LRRTM4: variants seen among roughly 807,000 people sequenced by gnomAD.
The protein encoded by LRRTM4 is leucine rich repeat transmembrane neuronal 4.
Under a neutral mutation model 47.6 loss-of-function variants are expected in LRRTM4, and 25 were observed. The observed-to-expected ratio is 0.53, with a 90% CI of 0.38 to 0.73. LRRTM4 has a LOEUF of 0.73. LRRTM4 is among the 30% of genes least tolerant of loss of function. LRRTM4 has a pLI of 0.00. For missense variants in LRRTM4, 638 were observed against 713.4 expected (o/e 0.89, Z 1.20); for synonymous variants, 311 against 269.5 (o/e 1.15, Z -1.51).
intron 3 of LRRTM4, among the ~76,000 whole-genome samples, chr2:76,916,134 C>A (rs1205679749): frequency 6.6e-6 from 1 of 151,048 alleles, no homozygotes. Context: ...AATATAAATT[C>A]CAGAGGAAAG....
intron 3 of LRRTM4, among the ~76,000 whole-genome samples, chr2:77,151,683 CAA>C (rs1672435132): frequency 6.6e-6 from 1 of 152,088 alleles, no homozygotes; most frequent in Non-Finnish European, 1.5e-5. Flanking sequence ...CACAGAAAAA[CAA>C]AGATTGCATT....
chr2:77,041,218 T>G (rs1303706068), intron 3 of LRRTM4, among the ~76,000 whole-genome samples: 4 of 151,578 alleles, frequency 2.6e-5, no homozygotes, highest in African/African-American at 7.3e-5. Context: ...ATAATATTCT[T>G]TGGGTTCATC....
chr2:77,440,901 A>T lies in LRRTM4; in HGVS notation c.1551+77417T>A, dbSNP rs78181506. On this transcript the variant is annotated intron_variant, in intron 3 of 3. Coordinates refer to ENST00000409884, the MANE Select transcript of LRRTM4 (RefSeq NM_001134745.3). ...TTTAATAGAACAGTCTTTATTTGTC[A>T]TTTCACCTATAAATCAAGAAGTACT... Among the ~76,000 whole-genome samples the T allele has an allele frequency of 1.0e-3, 152 of 152,318 alleles. 1 individual carries two copies. In the East Asian group the frequency reaches 0.028, roughly 28 times the overall value.
chr2:77,273,980 T>A (rs1057404166), intron 3 of LRRTM4, among the ~76,000 whole-genome samples: 1 of 152,140 alleles, frequency 6.6e-6, no homozygotes, highest in African/African-American at 2.4e-5. Flanking sequence ...TCCTTTTTTT[T>A]AAGTGTCTCC....
chr2:76,877,005 C>T (rs1484450801), intron 3 of LRRTM4, among the ~76,000 whole-genome samples: 3 of 152,016 alleles, frequency 2.0e-5, no homozygotes, highest in Non-Finnish European at 4.4e-5. Flanking sequence ...AGAGAGTATA[C>T]TTTGAGCTTA....
At chr2:76,900,751 G>A (rs1673597070) in intron 3 of LRRTM4, among the ~76,000 whole-genome samples, 1 of 152,056 alleles carries the variant, frequency 6.6e-6, no homozygotes, top group Non-Finnish European at 1.5e-5. Context: ...TCTATTCAAT[G>A]GAATATCACT....
intron 3 of LRRTM4, among the ~76,000 whole-genome samples, chr2:77,493,380 A>G (rs1404093455): frequency 9.9e-5 from 15 of 152,062 alleles, no homozygotes; most frequent in Admixed American, 9.8e-4. Context: ...AAACAATGAT[A>G]TATATATTCA....
At chr2:76,985,000 G>C (rs1054764466) in intron 3 of LRRTM4, among the ~76,000 whole-genome samples, 2 of 151,830 alleles carry the variant, frequency 1.3e-5, no homozygotes, top group Non-Finnish European at 2.9e-5. Flanking sequence ...GTTTCACTAC[G>C]ACAGCATTCT....
At chr2:77,495,978 G>T (rs897787832) in intron 3 of LRRTM4, among the ~76,000 whole-genome samples, 2 of 151,902 alleles carry the variant, frequency 1.3e-5, no homozygotes, top group Non-Finnish European at 2.9e-5. Flanking sequence ...GGAGATAAGT[G>T]ACATCTCAAG....
In LRRTM4 at chr2:77,518,163, G is replaced by T. The variant is rs1679296589; in HGVS notation, c.1551+155C>A. 6.3e-6 allele frequency: 8 copies of T among 1,272,526 alleles called. No individual in the cohort carries two copies. In the South Asian group the frequency reaches 1.7e-4, roughly 26 times the overall value. The allele number at this position is 1,272,526 out of a possible 1,614,324, so 78.8% of individuals were successfully genotyped here. A position where few individuals can be genotyped will look rare whatever the true frequency, so the allele number is the denominator to read the frequency against. ...AAAAAAAGCAGTCAATTTCCTGGTG[G>T]TTGTAATTTAATTAAGTAACCTTTC... is the stretch of plus-strand genomic sequence containing the variant. On this transcript the variant is annotated intron_variant, in intron 3 of 3. Transcript: ENST00000409884.
At chr2:77,278,739 A>G (rs1019251041) in intron 3 of LRRTM4, among the ~76,000 whole-genome samples, 4 of 151,986 alleles carry the variant, frequency 2.6e-5, no homozygotes, top group Admixed American at 1.3e-4. Context: ...TACTTTACCA[A>G]TTTGTACATT....
chr2:76,921,124 G>C (rs1674420172), intron 3 of LRRTM4, among the ~76,000 whole-genome samples: 1 of 152,030 alleles, frequency 6.6e-6, no homozygotes, highest in Admixed American at 6.6e-5. Flanking sequence ...ATTCTATCCA[G>C]GATACAATCA....
intron 3 of LRRTM4, among the ~76,000 whole-genome samples, chr2:76,811,387 G>T (rs971603810): frequency 5.3e-5 from 8 of 152,134 alleles, no homozygotes; most frequent in African/African-American, 1.9e-4. Flanking sequence ...GGATGAATAG[G>T]CATTTTGAAG....
rs1294312587 is a variant in LRRTM4, at chr2:77,092,496, C to T, written c.1552-343580G>A. ...ATCTATCCTCAAGGAAATAACTTCT[C>T]AGTGTTCCATCTGCTATTCTACTAC... On this transcript the variant is annotated intron_variant, in intron 3 of 3. Transcript: ENST00000409884. Among the ~76,000 whole-genome samples the T allele has an allele frequency of 2.8e-5, 4 of 143,574 alleles. 1 individual carries two copies. The highest frequency in any genetic ancestry group is 2.8e-4 in the Admixed American group (4 of 14,428). 94.2% of individuals were successfully genotyped at this position (143,574 alleles called of 152,430 possible).
At chr2:77,136,067 C>A (rs976338087) in intron 3 of LRRTM4, among the ~76,000 whole-genome samples, 1 of 152,172 alleles carries the variant, frequency 6.6e-6, no homozygotes, top group African/African-American at 2.4e-5. Flanking sequence ...CTACAGCTCC[C>A]AGCCTGAGTG....
At chr2:77,008,142 A>G (rs13396539) in intron 3 of LRRTM4, among the ~76,000 whole-genome samples, 19,588 of 152,166 alleles carry the variant, frequency 0.13, 3,266 homozygotes, top group African/African-American at 0.38. Flanking sequence ...AAAAAAGAGA[A>G]TAAGTAAAAA....
rs1244269212 is a variant in LRRTM4 at position 77,350,814 on chromosome 2, A to C, written c.1551+167504T>G. The stretch of plus-strand genomic sequence containing the variant: ...AGAAACCATATGAAATATTGCTCTG[A>C]CTCACCAGTACTCAGAAATATGCCA... On this transcript the variant is annotated intron_variant, in intron 3 of 3. Transcript: ENST00000409884. Among the ~76,000 whole-genome samples, 3 of 152,050 alleles carry C rather than the reference A, an allele frequency of 2.0e-5. No individual in the cohort carries two copies. In the East Asian group the frequency reaches 5.8e-4, roughly 29 times the overall value.
intron 3 of LRRTM4, among the ~76,000 whole-genome samples, chr2:76,979,110 G>A (rs76870963): frequency 0.026 from 3,903 of 152,056 alleles, 205 homozygotes; most frequent in African/African-American, 0.089. Context: ...ATTTAGTGCT[G>A]AGCAGTTGCT....
intron 3 of LRRTM4, among the ~76,000 whole-genome samples, chr2:76,896,865 G>C (rs1252107647): frequency 1.3e-5 from 2 of 148,680 alleles, no homozygotes; most frequent in African/African-American, 5.0e-5. Context: ...CTAAAAGATA[G>C]AGTTAAATAA....
Sources: allele counts gnomAD v4.1 joint callset (sites outside exome capture counted in the v4.1 genomes callset), GRCh38; gene constraint gnomAD v4.1.1; transcripts MANE v1.5; gene names NCBI Gene and HGNC (gene_info 2026-07-23, HGNC 2026-07-21).